B4GALNT2: variants seen among roughly 807,000 people sequenced by gnomAD.
The protein encoded by B4GALNT2 is N-acetylneuraminylgalactosylglucosyl-glucoside beta-1,4-N- acetylgalactosaminyltransferase 2.
Under a neutral mutation model 51.1 loss-of-function variants are expected in B4GALNT2, and 42 were observed. The observed-to-expected ratio is 0.82, with a 90% CI of 0.64 to 1.06. B4GALNT2 has a LOEUF of 1.06. B4GALNT2 is among the 50% of genes least tolerant of loss of function. The pLI is 0.00. For synonymous variants in B4GALNT2, 253 were observed against 251.7 expected, an observed-to-expected ratio of 1.01 and a Z score of -0.05; for missense variants, 602 against 633.6, an observed-to-expected ratio of 0.95 and a Z score of 0.54.
rs1017627065 is a variant in B4GALNT2, at chr17:49,134,889, C to A, written c.14+2083C>A. 9.3e-4 allele frequency among the ~76,000 whole-genome samples: 141 copies of A among 152,272 alleles called. 1 individual carries two copies. Among genetic ancestry groups the A allele is most frequent in the Non-Finnish European group, 1.3e-4 (9 of 68,026 alleles). Reference sequence around the variant, plus strand: ...TACAGACATGAGCCACAGTGCCCAGCCTGATACTATATATTATTGTAACTA... The same window carrying A: ...TACAGACATGAGCCACAGTGCCCAGACTGATACTATATATTATTGTAACTA... On this transcript the variant is annotated intron_variant, in intron 1 of 10. Transcript: ENST00000393354.
At chr17:49,131,007 C>T (rs575344658), upstream of B4GALNT2, among the ~76,000 whole-genome samples, 46 of 152,302 alleles carry the variant, frequency 3.0e-4, no homozygotes, top group African/African-American at 1.1e-3. Flanking sequence ...GGAGCCAGCA[C>T]TGGCTTTAGA....
At position 49,152,863 on chromosome 17, in the gene B4GALNT2, C is replaced by T. The variant is rs750907546; in HGVS notation, c.417C>T (p.Val139=). 3.1e-6 allele frequency: 5 copies of T among 1,611,554 alleles called. No homozygotes were observed. The South Asian group carries it at 3.3e-5, about 11-fold the overall frequency. Residue 139 remains valine (V), a synonymous_variant, in exon 4 of 11, where the codon GTC becomes GTT. Coordinates refer to ENST00000393354, the MANE Select transcript of B4GALNT2 (RefSeq NM_001159387.2). ...VQPNLPFGYP[V]HGVEVMPLHT... ...CCAACCTCCCCTTTGGGTACCCAGT[C>T]CACGGAGTGGAGGTGATGCCCCTGC... is the stretch of plus-strand genomic sequence containing the variant.
intron 7 of B4GALNT2, 25 bp downstream of exon 7, chr17:49,160,666 C>T (rs8071836): frequency 1 from 1,598,610 of 1,600,118 alleles, 798,563 homozygotes; most frequent in East Asian, 1. Flanking sequence ...CTTGGGGCTC[C>T]GTGGTGGCAA....
rs1246576098 is a variant in B4GALNT2 at position 49,132,800 on chromosome 17, C to T, written c.8C>T (p.Ser3Leu). MT[S>L]GGSRFLWLLK... ...AGGGCGGCGGGATTCGGGATGACTT[C>T]GGGCGGGTGAGTGTCCCCGGGGCAG... The change falls in exon 1 of 11, where the codon TCG becomes TTG. Residue 3 changes from serine (S) to leucine (L), a missense_variant. Ser to Leu is a moderately radical substitution (Grantham distance 145). Coordinates refer to ENST00000393354, the MANE Select transcript of B4GALNT2 (RefSeq NM_001159387.2). 7.3e-6 allele frequency: 10 copies of T among 1,375,144 alleles called. No homozygotes were observed. The highest frequency in any genetic ancestry group is 3.8e-6 in the Non-Finnish European group (4 of 1,062,776). The allele number at this position is 1,375,144 out of a possible 1,614,324, so 85.2% of individuals were successfully genotyped here. A position where few individuals can be genotyped will look rare whatever the true frequency, so the allele number is the denominator to read the frequency against.
In B4GALNT2 at chr17:49,171,846, T is replaced by A. The variant is rs1405936766; in HGVS notation, c.*2118T>A. On this transcript the variant is annotated 3_prime_UTR_variant, in exon 11 of 11. Coordinates refer to ENST00000393354, the MANE Select transcript of B4GALNT2 (RefSeq NM_001159387.2). ...TATTTCTGGCCAGGTCTAATTCTATTTACAAATAGGTTTTGAGCTGCCTTT... is the reference window on the plus strand; with the variant it reads ...TATTTCTGGCCAGGTCTAATTCTATATACAAATAGGTTTTGAGCTGCCTTT... 2.9e-6 allele frequency: 1 copy of A among 350,426 alleles called. No individual in the cohort carries two copies. The highest frequency in any genetic ancestry group is 5.4e-6 in the Non-Finnish European group (1 of 186,248). 21.7% of individuals were successfully genotyped at this position (350,426 alleles called of 1,614,324 possible). A position where few individuals can be genotyped will look rare whatever the true frequency, so the allele number is the denominator to read the frequency against.
intron 3 of B4GALNT2, among the ~76,000 whole-genome samples, chr17:49,145,110 A>G (rs1316326950): frequency 6.6e-6 from 1 of 152,186 alleles, no homozygotes; most frequent in African/African-American, 2.4e-5. Context: ...CCTCACAGAC[A>G]CACCCTGGAT....
At chr17:49,124,383 A>T in the B4GALNT2 span, among the ~76,000 whole-genome samples, 16 of 152,350 alleles carry the variant, frequency 1.1e-4, no homozygotes, top group African/African-American at 3.4e-4. Context: ...AAGAGGACCA[A>T]AACAAGACAA....
intron 4 of B4GALNT2, among the ~76,000 whole-genome samples, chr17:49,154,381 C>A (rs1032308603): frequency 6.6e-6 from 1 of 152,088 alleles, no homozygotes; most frequent in Admixed American, 6.5e-5. Flanking sequence ...TCTAGTTCAG[C>A]ATCACATTCC....
At chr17:49,154,897 C>T (rs570591716) in intron 4 of B4GALNT2, among the ~76,000 whole-genome samples, 11 of 152,252 alleles carry the variant, frequency 7.2e-5, no homozygotes, top group Non-Finnish European at 1.5e-4. Flanking sequence ...ATTAGTCCTA[C>T]TATGAGAACA....
intron 9 of B4GALNT2, among the ~76,000 whole-genome samples, chr17:49,167,608 CTTTTTTTTTT>C (rs34497598): frequency 6.1e-5 from 7 of 115,068 alleles, no homozygotes; most frequent in Admixed American, 1.9e-4. Context: ...CTCACCTACT[CTTTTTTTTTT>C]TTTTTTTTTG....
chr17:49,159,053 C>T lies in B4GALNT2; in HGVS notation c.515C>T (p.Ser172Phe). The T allele has an allele frequency of 6.2e-7, 1 of 1,614,162 alleles. No individual in the cohort carries two copies. Among genetic ancestry groups the T allele is most frequent in the Non-Finnish European group, 8.5e-7 (1 of 1,180,012 alleles). The change falls in exon 6 of 11, where the codon TCT becomes TTT. Residue 172 changes from serine to phenylalanine, a missense_variant. Transcript: ENST00000393354. ...CCACCCTAGGTCACCCTGACAGCTT[C>T]TCTGGGGACACTGAACACCCTTGCT... ...APVYEVTLTA[S>F]LGTLNTLADV... is the part of the protein sequence containing the mutation.
At chr17:49,127,067 T>A in the B4GALNT2 span, among the ~76,000 whole-genome samples, 4 of 152,224 alleles carry the variant, frequency 2.6e-5, no homozygotes, top group Non-Finnish European at 4.4e-5. Context: ...CACAGACAAT[T>A]TCTGATGTGC....
In B4GALNT2 at chr17:49,159,059, G is replaced by A. The variant is rs769982513; in HGVS notation, c.521G>A (p.Gly174Glu). 6 of 1,614,032 alleles carry A rather than the reference G, an allele frequency of 3.7e-6. No homozygotes were observed. The African/African-American group carries it at 6.7e-5, about 18-fold the overall frequency. ...TAGGTCACCCTGACAGCTTCTCTGG[G>A]GACACTGAACACCCTTGCTGATGTC... Reference protein sequence around the residue: ...VYEVTLTASLGTLNTLADVPD... With the variant: ...VYEVTLTASLETLNTLADVPD... Residue 174 changes from glycine to glutamate, a missense_variant, in exon 6 of 11, where the codon GGG (glycine) becomes GAG (glutamate). By Grantham distance (98) the Gly-to-Glu change is moderately conservative (BLOSUM62 -2). Coordinates refer to ENST00000393354, the MANE Select transcript of B4GALNT2 (RefSeq NM_001159387.2).
At chr17:49,148,416 G>T (rs539656312) in intron 3 of B4GALNT2, 2 of 302,046 alleles carry the variant, frequency 6.6e-6, no homozygotes, top group South Asian at 5.6e-5. Context: ...CCTCAGCCTC[G>T]GCATTCTTGT....
chr17:49,141,566 G>A, intron 2 of B4GALNT2, 119 bp downstream of exon 2: 1 of 1,112,462 alleles, frequency 9.0e-7, no homozygotes, highest in Non-Finnish European at 1.3e-6. Context: ...CTAAGCCTGT[G>A]CTGAATGCAC....
intron 1 of B4GALNT2, among the ~76,000 whole-genome samples, 194 bp from the exon 2 acceptor site, chr17:49,141,053 C>T (rs925435838): frequency 6.6e-6 from 1 of 151,416 alleles, no homozygotes; most frequent in Non-Finnish European, 1.5e-5. Context: ...TTTTGCCATC[C>T]TTTTATTTGT....
chr17:49,133,555 C>T (rs952075101), intron 1 of B4GALNT2, among the ~76,000 whole-genome samples: 2 of 152,144 alleles, frequency 1.3e-5, no homozygotes, highest in Non-Finnish European at 2.9e-5. Context: ...TAAACATTGA[C>T]AAAGAAGTCA....
intron 4 of B4GALNT2, among the ~76,000 whole-genome samples, chr17:49,154,190 G>A (rs930557943): frequency 6.6e-6 from 1 of 151,730 alleles, no homozygotes; most frequent in African/African-American, 2.4e-5. Context: ...TAGTAGAGAT[G>A]GGGTTTCACC....
At position 49,138,074 on chromosome 17, in the gene B4GALNT2, C is replaced by T. The variant is rs539705090; in HGVS notation, c.15-3173C>T. Among the ~76,000 whole-genome samples, 82 of 152,222 alleles carry T rather than the reference C, an allele frequency of 5.4e-4. No individual in the cohort carries two copies. In the Middle Eastern group the frequency reaches 0.01, roughly 19 times the overall value. On this transcript the variant is annotated intron_variant, in intron 1 of 10. Coordinates refer to ENST00000393354, the MANE Select transcript of B4GALNT2 (RefSeq NM_001159387.2). ...AAACCATGTAAGGTCTAGAGTGTTC[C>T]TAGTTCCGGGGATTTTAGTTCTGTG...
Sources: gnomAD v4.1 joint callset for allele counts (sites outside exome capture counted in the v4.1 genomes callset) on GRCh38, gnomAD v4.1.1 for gene constraint, MANE v1.5 for transcripts, NCBI Gene and HGNC (gene_info 2026-07-23, HGNC 2026-07-21) for gene names.